ANKS3: variants seen among roughly 807,000 people sequenced by gnomAD.
ANKS3 encodes the protein ankyrin repeat and SAM domain-containing protein 3.
In ANKS3, 62 loss-of-function variants were observed where a neutral mutation model predicts 80.7. The observed-to-expected ratio is 0.77, with a 90% CI of 0.63 to 0.95. The LOEUF is 0.95. ANKS3 is among the 40% of genes least tolerant of loss of function. The pLI is 0.00. For missense variants in ANKS3, 1,150 were observed against 883.6 expected (o/e 1.30, Z -3.82); for synonymous variants, 489 against 355.3 (o/e 1.38, Z -4.23).
In ANKS3 at chr16:4,697,996, G is replaced by A. The variant is rs561047745; in HGVS notation, c.1791C>T (p.Gly597=). 3 of 1,602,730 alleles carry A rather than the reference G, an allele frequency of 1.9e-6. No homozygotes were observed. In the East Asian group the frequency reaches 6.7e-5, roughly 36 times the overall value. ...QDQPPGAATL[G]LAVPPADSKG... is the part of the protein sequence containing the mutation. ...TCTTACCAGCTGGGGGGACGGCTAGGCCCAGAGTGGCTGCACCAGGGGGCT... is the reference window on the plus strand; with the variant it reads ...TCTTACCAGCTGGGGGGACGGCTAGACCCAGAGTGGCTGCACCAGGGGGCT... Residue 597 remains glycine (G), a synonymous_variant, in exon 15 of 18, where the codon GGC becomes GGT. Coordinates refer to ENST00000304283, the MANE Select transcript of ANKS3 (RefSeq NM_133450.4).
chr16:4,713,317 G>T (rs549345874), intron 7 of ANKS3, among the ~76,000 whole-genome samples: 1 of 151,874 alleles, frequency 6.6e-6, no homozygotes, highest in South Asian at 2.1e-4. Context: ...CAAATGCACT[G>T]ACAATATGCA....
In ANKS3 at chr16:4,702,192, G is replaced by T; in HGVS notation, c.919C>A (p.Pro307Thr). Residue 307 changes from proline (P) to threonine (T), a missense_variant, in exon 9 of 18, where the codon CCC (proline) becomes ACC (threonine). Coordinates refer to ENST00000304283, the MANE Select transcript of ANKS3 (RefSeq NM_133450.4). Reference sequence around the variant, plus strand: ...CAGCAGAGGCCCTCTTCTTCCAGGGGGTTCTCGCCACTGCTGTTGAAGGTG... The same window carrying T: ...CAGCAGAGGCCCTCTTCTTCCAGGGTGTTCTCGCCACTGCTGTTGAAGGTG... Reference protein sequence around the residue: ...YVTFNSSGENPLEEEGLCCRD... With the variant: ...YVTFNSSGENTLEEEGLCCRD... 4.4e-6 allele frequency: 7 copies of T among 1,593,332 alleles called. No homozygotes were observed. Among genetic ancestry groups the T allele is most frequent in the Non-Finnish European group, 6.0e-6 (7 of 1,170,140 alleles).
intron 7 of ANKS3, among the ~76,000 whole-genome samples, chr16:4,713,749 A>G (rs1323956328): frequency 6.6e-6 from 1 of 152,258 alleles, no homozygotes; most frequent in Admixed American, 6.5e-5. Context: ...AACAAGCCAT[A>G]GCTCAGGAAA....
At chr16:4,698,758 C>T (rs370796148) in intron 13 of ANKS3, 42 bp downstream of exon 13, 78 of 1,565,132 alleles carry the variant, frequency 5.0e-5, no homozygotes, top group Admixed American at 2.6e-4. Context: ...AGCCAACTCA[C>T]GGGTGTCACC....
At chr16:4,729,010 G>A (rs1443932568) in intron 3 of ANKS3, among the ~76,000 whole-genome samples, 1 of 152,170 alleles carries the variant, frequency 6.6e-6, no homozygotes, top group African/African-American at 2.4e-5. Flanking sequence ...GCAGAGAGAG[G>A]AAGAGAGGTC....
At chr16:4,730,192 T>C in intron 2 of ANKS3, 41 bp from the exon 3 acceptor site, 5 of 1,447,588 alleles carry the variant, frequency 3.5e-6, no homozygotes, top group South Asian at 1.5e-5. Context: ...TCCTGGCTGG[T>C]TGTTCCAGGG....
Position 4,698,940 on chromosome 16 carries a change from G to A in ANKS3, c.1411C>T (p.Leu471=). The A allele has an allele frequency of 6.2e-7, 1 of 1,603,110 alleles. No homozygotes were observed. The highest frequency in any genetic ancestry group is 1.7e-5 in the Admixed American group (1 of 59,584). The change falls in exon 13 of 18, where the codon CTG becomes TTG. Residue 471 remains leucine, a splice_region_variant and synonymous_variant. Coordinates refer to ENST00000304283, the MANE Select transcript of ANKS3 (RefSeq NM_133450.4). ...GTCATCTTCCTCTTGGGCCCAAACA[G>A]CCTGCGGGGGGAATGTGACCAGGAT... The part of the protein sequence containing the change: ...ESDLKEIGIT[L]FGPKRKMTSA...
chr16:4,702,291 C>A (rs972804151), intron 8 of ANKS3, 49 bp from the exon 9 acceptor site: 22 of 1,423,430 alleles, frequency 1.5e-5, no homozygotes, highest in Non-Finnish European at 2.0e-5. Context: ...AAAGTGAAAC[C>A]TCCTCAGAGG....
chr16:4,713,426 A>G (rs1453853883), intron 7 of ANKS3, among the ~76,000 whole-genome samples: 2 of 152,188 alleles, frequency 1.3e-5, no homozygotes, highest in African/African-American at 4.8e-5. Context: ...ATAGCACTGA[A>G]TAATTAATAC....
At chr16:4,726,825 C>A in intron 4 of ANKS3, 45 bp from the exon 5 acceptor site, 1 of 1,603,356 alleles carries the variant, frequency 6.2e-7, no homozygotes, top group Non-Finnish European at 8.5e-7. Flanking sequence ...ATCTCCTCTG[C>A]GTGGGGCGGG....
intron 9 of ANKS3, 112 bp downstream of exon 9, chr16:4,701,990 C>G: frequency 7.5e-7 from 1 of 1,334,766 alleles, no homozygotes. Flanking sequence ...CTTTCCTGTC[C>G]TCTGCTGGAT....
chr16:4,697,253 C>T (rs929003650), intron 16 of ANKS3, 80 bp downstream of exon 16: 3 of 1,546,550 alleles, frequency 1.9e-6, no homozygotes, highest in African/African-American at 2.7e-5. Flanking sequence ...AGACACAAAC[C>T]CGCTTTCCCT....
At position 4,705,294 on chromosome 16, in the gene ANKS3, T is replaced by C. The variant is rs368421718; in HGVS notation, c.710-41A>G. 3.8e-4 allele frequency: 609 copies of C among 1,596,698 alleles called. 1 individual carries two copies. Among genetic ancestry groups the C allele is most frequent in the Non-Finnish European group, 4.9e-4 (574 of 1,169,636 alleles). On this transcript the variant is annotated intron_variant, in intron 7 of 17. Coordinates refer to ENST00000304283, the MANE Select transcript of ANKS3 (RefSeq NM_133450.4). ...AAGATTAAGATAGTGTGTTCAGTAATGGACTCATTTACTAATCCTTACGGC... is the reference window on the plus strand; with the variant it reads ...AAGATTAAGATAGTGTGTTCAGTAACGGACTCATTTACTAATCCTTACGGC...
chr16:4,706,191 G>A (rs561328213), intron 7 of ANKS3, among the ~76,000 whole-genome samples: 6 of 152,122 alleles, frequency 3.9e-5, no homozygotes, highest in African/African-American at 1.2e-4. Flanking sequence ...CACTGTGCCC[G>A]GCTGGAAACA....
rs148097930 is a variant in ANKS3, at chr16:4,698,833, A to G, written c.1518T>C (p.Ala506=). 42 of 1,607,446 alleles carry G rather than the reference A, an allele frequency of 2.6e-5. No homozygotes were observed. In the Admixed American group the frequency reaches 2.7e-4, roughly 10 times the overall value. Residue 506 remains alanine, a synonymous_variant, in exon 13 of 18, where the codon GCT becomes GCC. Coordinates refer to ENST00000304283, the MANE Select transcript of ANKS3 (RefSeq NM_133450.4). ...LELAYADRLE[A]EMQELAIQLH... ...GCTGGATGGCGAGCTCCTGCATCTC[A>G]GCCTCCAGCCGGTCGGCGTAGGCCA...
chr16:4,706,151 C>T (rs942298918), intron 7 of ANKS3, among the ~76,000 whole-genome samples: 4 of 152,156 alleles, frequency 2.6e-5, no homozygotes, highest in East Asian at 3.8e-4. Context: ...ACCTCAGCCT[C>T]GCAAAGTGCT....
chr16:4,732,427 G>C (rs760696781), intron 1 of ANKS3, among the ~76,000 whole-genome samples: 26 of 152,110 alleles, frequency 1.7e-4, no homozygotes, highest in Non-Finnish European at 3.4e-4. Flanking sequence ...CCAGAGGTCT[G>C]AAGGACAATG....
intron 12 of ANKS3, 21 bp downstream of exon 12, chr16:4,699,031 G>C: frequency 2.5e-6 from 4 of 1,614,184 alleles, no homozygotes; most frequent in East Asian, 4.5e-5. Flanking sequence ...CTGAGGGCCA[G>C]AGCGGCCCTT....
rs752826226 is a variant in ANKS3 at position 4,702,177 on chromosome 16, C to T, written c.934G>A (p.Gly312Ser). The T allele has an allele frequency of 3.8e-6, 6 of 1,593,466 alleles. No individual in the cohort carries two copies. In the East Asian group the frequency reaches 1.2e-4, roughly 31 times the overall value. Residue 312 changes from glycine to serine, a missense_variant, in exon 9 of 18, where the codon GGC becomes AGC. Transcript: ENST00000304283. ...GAGGTGACATCCCGGCAGCAGAGGC[C>T]CTCTTCTTCCAGGGGGTTCTCGCCA... ...SSGENPLEEE[G>S]LCCRDVTSPI...
Sources: gnomAD v4.1 joint callset for allele counts (sites outside exome capture counted in the v4.1 genomes callset) on GRCh38, gnomAD v4.1.1 for gene constraint, MANE v1.5 for transcripts, NCBI Gene and HGNC (gene_info 2026-07-23, HGNC 2026-07-21) for gene names.